ACO1: variants seen among roughly 807,000 people sequenced by gnomAD.
ACO1 encodes the protein cytoplasmic aconitate hydratase.
A neutral mutation model predicts 105.1 loss-of-function variants in ACO1; 78 were observed. The observed-to-expected ratio is 0.74, with a 90% CI of 0.62 to 0.90. The LOEUF (loss-of-function observed/expected upper bound fraction) is 0.90. ACO1 is among the 40% of genes least tolerant of loss of function. ACO1 has a pLI of 0.00. For synonymous variants in ACO1, 364 were observed against 397.4 expected (o/e 0.92, Z 1.00); for missense variants, 965 against 1,111.1 (o/e 0.87, Z 1.87).
rs556952487 is a variant in ACO1 at position 32,418,732 on chromosome 9, C to T, written c.658+221C>T. 3.3e-5 allele frequency among the ~76,000 whole-genome samples: 5 copies of T among 152,252 alleles called. No homozygotes were observed. The East Asian group carries it at 9.6e-4, about 29-fold the overall frequency. On this transcript the variant is annotated intron_variant, in intron 6 of 20. Coordinates refer to ENST00000309951, the MANE Select transcript of ACO1 (RefSeq NM_002197.3). ...ATGAACAGAAGCAAGGGGTTAGGTA[C>T]ATTTAGCATACACAAAAATCACCTG...
intron 8 of ACO1, among the ~76,000 whole-genome samples, chr9:32,422,139 A>G (rs1821989193): frequency 6.6e-6 from 1 of 152,212 alleles, no homozygotes; most frequent in Non-Finnish European, 1.5e-5. Flanking sequence ...TAGAGGGATA[A>G]AAGCTGTGAG....
chr9:32,418,050 G>A (rs1821888300), intron 4 of ACO1, 78 bp from the exon 5 acceptor site: 1 of 1,309,826 alleles, frequency 7.6e-7, no homozygotes, highest in South Asian at 1.3e-5. Context: ...ATTCCATTTT[G>A]TTTCTTCATC....
intron 9 of ACO1, among the ~76,000 whole-genome samples, chr9:32,423,921 A>C (rs970557366): frequency 6.6e-6 from 1 of 152,216 alleles, no homozygotes; most frequent in Non-Finnish European, 1.5e-5. Flanking sequence ...AAGAAAAATA[A>C]AGAGACTTCA....
At chr9:32,429,553 G>A (rs1391759622) in intron 13 of ACO1, 50 bp downstream of exon 13, 1 of 1,485,172 alleles carries the variant, frequency 6.7e-7, no homozygotes, top group Admixed American at 1.8e-5. Context: ...TTCTTTTCAT[G>A]TAATGTGACA....
intron 4 of ACO1, 96 bp from the exon 5 acceptor site, chr9:32,418,032 G>A: frequency 9.8e-7 from 1 of 1,022,842 alleles, no homozygotes; most frequent in Middle Eastern, 3.0e-4. Flanking sequence ...AGCAAGCAAG[G>A]AGATGCAATT....
At chr9:32,413,474 C>A (rs866091211) in intron 4 of ACO1, among the ~76,000 whole-genome samples, 16 of 102,740 alleles carry the variant, frequency 1.6e-4, no homozygotes, top group Middle Eastern at 4.4e-3. Flanking sequence ...CAGAATGAGA[C>A]TCTATCTCAA....
Position 32,453,652 on chromosome 9 carries a change from C to G in ACO1, c.*3541C>G, listed in dbSNP as rs1822817045. ...AAAAATATTGGGAGTTCCTAGTCACCTAAATGAAGAACCTTATTTTTAGCA... is the reference window on the plus strand; with the variant it reads ...AAAAATATTGGGAGTTCCTAGTCACGTAAATGAAGAACCTTATTTTTAGCA... On this transcript the variant is annotated 3_prime_UTR_variant, in exon 21 of 21. Transcript: ENST00000309951. 6.6e-6 allele frequency: 1 copy of G among 152,172 alleles called. No homozygotes were observed. The highest frequency in any genetic ancestry group is 1.5e-5 in the Non-Finnish European group (1 of 68,026). 9.4% of individuals were successfully genotyped at this position (152,172 alleles called of 1,614,324 possible).
chr9:32,450,348 G>A lies in ACO1; in HGVS notation c.*237G>A. 1.7e-6 allele frequency: 1 copy of A among 585,948 alleles called. No homozygotes were observed. Among genetic ancestry groups the A allele is most frequent in the Non-Finnish European group, 3.2e-6 (1 of 310,684 alleles). 36.3% of individuals were successfully genotyped at this position (585,948 alleles called of 1,614,324 possible). The stretch of plus-strand genomic sequence containing the variant: ...ATTTGGAAGCTAGAATGGTGGGAAT[G>A]TCAGTAGTGCCAGAAAGAGAGAACC... On this transcript the variant is annotated 3_prime_UTR_variant, in exon 21 of 21. Coordinates refer to ENST00000309951, the MANE Select transcript of ACO1 (RefSeq NM_002197.3).
At chr9:32,404,717 GC>G (rs1821569381) in intron 1 of ACO1, among the ~76,000 whole-genome samples, 1 of 152,128 alleles carries the variant, frequency 6.6e-6, no homozygotes, top group Admixed American at 6.5e-5. Context: ...TTTAGAATGT[GC>G]CCTCCCTTTT....
At chr9:32,396,147 T>A (rs1587512383) in intron 1 of ACO1, among the ~76,000 whole-genome samples, 1 of 152,226 alleles carries the variant, frequency 6.6e-6, no homozygotes, top group East Asian at 1.9e-4. Flanking sequence ...GGAAATAGGG[T>A]TAGACTTCAG....
chr9:32,389,142 T>TA (rs1261721130), intron 1 of ACO1, among the ~76,000 whole-genome samples: 1 of 152,186 alleles, frequency 6.6e-6, no homozygotes, highest in Non-Finnish European at 1.5e-5. Context: ...GTATAGTTTT[T>TA]AAACTAAAAA....
intron 1 of ACO1, among the ~76,000 whole-genome samples, chr9:32,389,772 A>G (rs79208102): frequency 0.026 from 3,875 of 148,426 alleles, 188 homozygotes; most frequent in East Asian, 0.24. Flanking sequence ...GTGAACAGTG[A>G]TAATTGGCCA....
chr9:32,395,730 G>A (rs758237970), intron 1 of ACO1, among the ~76,000 whole-genome samples: 1 of 152,124 alleles, frequency 6.6e-6, no homozygotes, highest in Non-Finnish European at 1.5e-5. Flanking sequence ...CATGACCCTT[G>A]GTGACTTTCT....
intron 9 of ACO1, among the ~76,000 whole-genome samples, chr9:32,424,261 C>T (rs556784610): frequency 1.3e-5 from 2 of 152,264 alleles, no homozygotes; most frequent in East Asian, 1.9e-4. Flanking sequence ...CAAGGATGGG[C>T]GAGTGGAGGA....
chr9:32,403,421 A>C (rs1821540527), intron 1 of ACO1, among the ~76,000 whole-genome samples: 1 of 152,198 alleles, frequency 6.6e-6, no homozygotes, highest in African/African-American at 2.4e-5. Flanking sequence ...CTTCCAAGGA[A>C]AAAGGGAGGC....
intron 4 of ACO1, among the ~76,000 whole-genome samples, chr9:32,411,024 A>G (rs1042350796): frequency 5.3e-5 from 8 of 151,972 alleles, no homozygotes; most frequent in Non-Finnish European, 7.4e-5. Flanking sequence ...CAGAGACTCA[A>G]GGGGGCAAGT....
At chr9:32,412,831 C>T (rs779559531) in intron 4 of ACO1, among the ~76,000 whole-genome samples, 37 of 152,138 alleles carry the variant, frequency 2.4e-4, no homozygotes, top group Non-Finnish European at 4.1e-4. Flanking sequence ...TAAATTCATG[C>T]CCAGTTTCAT....
chr9:32,436,775 G>A (rs916056366), intron 18 of ACO1, among the ~76,000 whole-genome samples: 1 of 152,206 alleles, frequency 6.6e-6, no homozygotes, highest in African/African-American at 2.4e-5. Flanking sequence ...AAAAGAAGGA[G>A]TAGAGAGGTG....
rs367875724 is a variant in ACO1, at chr9:32,408,662, A to G, written c.404+11A>G. The stretch of plus-strand genomic sequence containing the variant: ...TGATTTCAACAGAAGGTGAGAGATT[A>G]AAACGAATACCTGAGTGTTCTGCTT... On this transcript the variant is annotated intron_variant, in intron 4 of 20. Transcript: ENST00000309951. 2.9e-5 allele frequency: 47 copies of G among 1,613,706 alleles called. No individual in the cohort carries two copies. Among genetic ancestry groups the G allele is most frequent in the Admixed American group, 1.7e-4 (10 of 59,970 alleles).
Sources: gnomAD v4.1 joint callset for allele counts (sites outside exome capture counted in the v4.1 genomes callset) on GRCh38, gnomAD v4.1.1 for gene constraint, MANE v1.5 for transcripts, NCBI Gene and HGNC (gene_info 2026-07-23, HGNC 2026-07-21) for gene names.